Variants in KHDRBS2 observed in about 807,000 individuals in gnomAD.
KHDRBS2 encodes the protein KH domain-containing, RNA-binding, signal transduction-associated protein 2.
A neutral mutation model predicts 44.3 loss-of-function variants in KHDRBS2; 26 were observed. That is an observed-to-expected ratio of 0.59 (90% confidence interval 0.43 to 0.81). The LOEUF (loss-of-function observed/expected upper bound fraction) is 0.81, where lower values mean the gene tolerates loss of function less well. Ranked by LOEUF, KHDRBS2 falls within the 40% of genes least tolerant of loss-of-function variation. KHDRBS2 has a pLI of 0.00. For synonymous variants in KHDRBS2, 194 were observed against 151.1 expected, an observed-to-expected ratio of 1.28 and a Z score of -2.08; for missense variants, 476 against 433.1, an observed-to-expected ratio of 1.10 and a Z score of -0.88.
At chr6:61,655,300 G>A in the KHDRBS2 span, among the ~76,000 whole-genome samples, 45 of 151,344 alleles carry the variant, frequency 3.0e-4, no homozygotes, top group African/African-American at 1.0e-3. Context: ...CTGTCGCCCA[G>A]ACTGGAGTGC....
At chr6:61,576,171 G>A in the KHDRBS2 span, among the ~76,000 whole-genome samples, 3 of 142,128 alleles carry the variant, frequency 2.1e-5, no homozygotes, top group South Asian at 2.1e-4. Context: ...AAATTGCCTC[G>A]GGCAGTATGA....
chr6:62,109,017 C>T (rs988491638), intron 2 of KHDRBS2, among the ~76,000 whole-genome samples: 11 of 151,444 alleles, frequency 7.3e-5, no homozygotes, highest in East Asian at 5.8e-4. Flanking sequence ...TTAATGGGTG[C>T]AGCACACCAG....
At chr6:62,213,873 CAAAAAAAAAAAAAAAA>C (rs67482871) in intron 1 of KHDRBS2, among the ~76,000 whole-genome samples, 2 of 41,504 alleles carry the variant, frequency 4.8e-5, no homozygotes, top group Non-Finnish European at 8.1e-5. Flanking sequence ...GACTCCATCT[CAAAAAAAAAAAAAAAA>C]AAAAAAAAAA....
At chr6:61,623,296 G>C in the KHDRBS2 span, among the ~76,000 whole-genome samples, 1 of 152,160 alleles carries the variant, frequency 6.6e-6, no homozygotes, top group Non-Finnish European at 1.5e-5. Context: ...GACTGTAAAG[G>C]TTCCTCCAGT....
chr6:61,865,322 G>T (rs557344415), intron 6 of KHDRBS2, among the ~76,000 whole-genome samples: 1 of 152,282 alleles, frequency 6.6e-6, no homozygotes, highest in East Asian at 1.9e-4. Context: ...GAAAGAAAAA[G>T]AAGTTTTAAT....
intron 1 of KHDRBS2, 52 bp downstream of exon 1, chr6:62,285,805 CG>C: frequency 7.7e-7 from 1 of 1,301,942 alleles, no homozygotes; most frequent in Non-Finnish European, 1.1e-6. Context: ...AATCAAGCCG[CG>C]GGTGAGATAG....
chr6:61,811,962 A>G (rs2127236869), intron 6 of KHDRBS2, among the ~76,000 whole-genome samples: 1 of 152,256 alleles, frequency 6.6e-6, no homozygotes, highest in East Asian at 1.9e-4. Context: ...CACAGACTTT[A>G]TATCTTTTCC....
chr6:61,761,908 T>C (rs778830634), intron 6 of KHDRBS2, among the ~76,000 whole-genome samples: 19 of 152,160 alleles, frequency 1.2e-4, no homozygotes, highest in Non-Finnish European at 2.2e-4. Flanking sequence ...GTAATATCTG[T>C]TATTACTAAC....
the KHDRBS2 span, among the ~76,000 whole-genome samples, chr6:61,597,558 T>C: frequency 1.3e-5 from 2 of 150,816 alleles, no homozygotes; most frequent in Non-Finnish European, 3.0e-5. Context: ...CCATTAACCA[T>C]TGAATGGAGA....
chr6:62,060,544 T>C (rs770750999), intron 2 of KHDRBS2, among the ~76,000 whole-genome samples: 120 of 151,664 alleles, frequency 7.9e-4, no homozygotes, highest in Non-Finnish European at 3.4e-4. Flanking sequence ...CCTTACAATA[T>C]ACTTAATCTC....
intron 1 of KHDRBS2, among the ~76,000 whole-genome samples, chr6:62,239,637 C>A (rs1274823352): frequency 1.3e-5 from 2 of 152,018 alleles, no homozygotes; most frequent in Non-Finnish European, 2.9e-5. Context: ...AAAAAAGGGG[C>A]ATACTGTCAG....
chr6:61,799,729 CA>C (rs754096018), intron 6 of KHDRBS2, among the ~76,000 whole-genome samples: 3 of 151,664 alleles, frequency 2.0e-5, no homozygotes, highest in African/African-American at 4.8e-5. Flanking sequence ...GCTTAGAAGA[CA>C]AAAAAACAGT....
intron 2 of KHDRBS2, among the ~76,000 whole-genome samples, chr6:62,087,050 G>A (rs1323642888): frequency 6.6e-6 from 1 of 151,874 alleles, no homozygotes; most frequent in Non-Finnish European, 1.5e-5. Flanking sequence ...ACAAAAGAAG[G>A]AACTATGTAA....
chr6:62,220,448 A>G (rs531643569), intron 1 of KHDRBS2, among the ~76,000 whole-genome samples: 57 of 152,056 alleles, frequency 3.7e-4, no homozygotes, highest in Non-Finnish European at 1.8e-4. Flanking sequence ...ACAAATATAC[A>G]TAAGTGTATG....
intron 6 of KHDRBS2, among the ~76,000 whole-genome samples, chr6:61,869,975 T>TG (rs375440574): frequency 5.2e-4 from 50 of 96,124 alleles, no homozygotes; most frequent in Middle Eastern, 5.0e-3. Flanking sequence ...TTTTTTTTTT[T>TG]TTTTTTTTTT....
the KHDRBS2 span, among the ~76,000 whole-genome samples, chr6:61,582,141 T>C: frequency 2.8e-4 from 42 of 151,734 alleles, no homozygotes; most frequent in African/African-American, 8.9e-4. Flanking sequence ...AAAGTAAAAG[T>C]GAAAATAGGG....
the KHDRBS2 span, among the ~76,000 whole-genome samples, chr6:61,615,036 C>G: frequency 6.6e-6 from 1 of 151,656 alleles, no homozygotes; most frequent in Non-Finnish European, 1.5e-5. Flanking sequence ...GAGTTTGAGA[C>G]CAGCCTGGCC....
At chr6:61,653,666 C>T in the KHDRBS2 span, among the ~76,000 whole-genome samples, 4 of 151,730 alleles carry the variant, frequency 2.6e-5, no homozygotes, top group African/African-American at 9.7e-5. Context: ...ATAAAACGCT[C>T]TATGGAGGCA....
chr6:61,983,344 G>A (rs1774378972), intron 3 of KHDRBS2, among the ~76,000 whole-genome samples: 1 of 150,324 alleles, frequency 6.7e-6, no homozygotes, highest in Non-Finnish European at 1.5e-5. Flanking sequence ...CCAGAGTGCT[G>A]GGATTATAAG....
Sources: gnomAD v4.1 joint callset for allele counts (sites outside exome capture counted in the v4.1 genomes callset) on GRCh38, gnomAD v4.1.1 for gene constraint, MANE v1.5 for transcripts, NCBI Gene and HGNC (gene_info 2026-07-23, HGNC 2026-07-21) for gene names.